The following NOA1 variants were observed in gnomAD, a reference collection of about 807,000 sequenced individuals.
The protein encoded by NOA1 is nitric oxide-associated protein 1.
In NOA1, 35 loss-of-function variants were observed where a neutral mutation model predicts 58.4. The observed-to-expected ratio is 0.60, with a 90% CI of 0.46 to 0.79. NOA1 has a LOEUF of 0.79. NOA1 is among the 30% of genes least tolerant of loss of function. NOA1 has a pLI of 0.00. For synonymous variants in NOA1, 397 were observed against 373.4 expected (o/e 1.06, Z -0.73); for missense variants, 895 against 894.6 (o/e 1.00, Z -0.01).
At position 56,977,017 on chromosome 4, in the gene NOA1, C is replaced by G. The variant is rs1298640279; in HGVS notation, c.569G>C (p.Arg190Pro). Reference sequence around the variant, plus strand: ...GCGGCTCACCTGCAGGCGTAGAGCGCGCCGGTGGTGCGACAGCAGCCAGCA... The same window carrying G: ...GCGGCTCACCTGCAGGCGTAGAGCGGGCCGGTGGTGCGACAGCAGCCAGCA... The part of the protein sequence containing the change: ...QRCWLLSHHR[R>P]ALRLQVSREQ... Residue 190 changes from arginine to proline, a missense_variant, in exon 1 of 7, where the codon CGC (arginine) becomes CCC (proline). By Grantham distance (103) the Arg-to-Pro change is moderately radical. Around this residue, in one of 3 missense-constraint regions of NOA1, gnomAD observed 680 missense variants for 656.5 expected, o/e 1.04. Coordinates refer to ENST00000264230, the MANE Select transcript of NOA1 (RefSeq NM_032313.4). The G allele has an allele frequency of 1.9e-6, 3 of 1,590,816 alleles. No individual in the cohort carries two copies. The South Asian group carries it at 3.3e-5, about 18-fold the overall frequency.
Position 56,977,392 on chromosome 4 carries a change from CCTT to C in NOA1, c.191_193del (p.Glu64del). The C allele has an allele frequency of 6.2e-7, 1 of 1,614,118 alleles. No individual in the cohort carries two copies. Among genetic ancestry groups the C allele is most frequent in the Non-Finnish European group, 8.5e-7 (1 of 1,180,046 alleles). On this transcript the variant is annotated inframe_deletion, in exon 1 of 7. Coordinates refer to ENST00000264230, the MANE Select transcript of NOA1 (RefSeq NM_032313.4). ...CAGAAAACGCTCCTGCATGTCACCA[CCTT>C]CTCCAAAGCCCTCCGTGTCCACGGG...
rs558122185 is a variant in NOA1 at position 56,964,758 on chromosome 4, G to A, written c.1765-232C>T. On this transcript the variant is annotated intron_variant, in intron 5 of 6. Transcript: ENST00000264230. The stretch of plus-strand genomic sequence containing the variant: ...GGGCTCTGGGCCACACATTGGGCAA[G>A]CACCTGGCAGAAGCCTCTGGACAGG... Among the ~76,000 whole-genome samples, 22 of 152,298 alleles carry A rather than the reference G, an allele frequency of 1.4e-4. 2 individuals carry two copies. Among genetic ancestry groups the A allele is most frequent in the Middle Eastern group, 6.8e-3 (2 of 294 alleles).
At chr4:56,967,882 T>G (rs1003528168) in intron 4 of NOA1, among the ~76,000 whole-genome samples, 1 of 151,600 alleles carries the variant, frequency 6.6e-6, no homozygotes, top group Non-Finnish European at 1.5e-5. Context: ...AGCACTTTTT[T>G]GGGGGGATGA....
chr4:56,964,392 T>A lies in NOA1; in HGVS notation c.1885+14A>T, dbSNP rs2109611555. The stretch of plus-strand genomic sequence containing the variant: ...TTTTATTCACTTTTTAAAAAGTGCT[T>A]GGCATAAAATTACCTGCAGAGGAAA... On this transcript the variant is annotated intron_variant, in intron 6 of 6. Transcript: ENST00000264230. 6.2e-7 allele frequency: 1 copy of A among 1,613,934 alleles called. No homozygotes were observed. The highest frequency in any genetic ancestry group is 2.2e-5 in the East Asian group (1 of 44,868).
chr4:56,964,422 G>A lies in NOA1; in HGVS notation c.1869C>T (p.Ile623=), dbSNP rs772683447. 3.1e-6 allele frequency: 5 copies of A among 1,613,930 alleles called. No homozygotes were observed. The African/African-American group carries it at 4.0e-5, about 13-fold the overall frequency. ...TAAAATTACCTGCAGAGGAAAACTT[G>A]ATGTCGGCCACTGCTTCAGATGCCC... ...GLGASEAVAD[I]KFSSAGWVSV... is the part of the protein sequence containing the mutation. The change falls in exon 6 of 7, where the codon ATC becomes ATT. Residue 623 remains isoleucine, a synonymous_variant. Transcript: ENST00000264230.
chr4:56,974,988 C>T (rs1257173710), intron 1 of NOA1, among the ~76,000 whole-genome samples: 2 of 151,384 alleles, frequency 1.3e-5, no homozygotes, highest in East Asian at 4.0e-4. Context: ...CAGGTGTGAC[C>T]CACTGCACCT....
At chr4:56,964,255 C>A in intron 6 of NOA1, 151 bp downstream of exon 6, 1 of 752,150 alleles carries the variant, frequency 1.3e-6, no homozygotes, top group East Asian at 2.9e-5. Flanking sequence ...TTAGTAGAGA[C>A]GGGGTTTCTC....
rs1560462567 is a variant in NOA1, at chr4:56,963,442, G to T, written c.*8C>A. On this transcript the variant is annotated 3_prime_UTR_variant, in exon 7 of 7. Coordinates refer to ENST00000264230, the MANE Select transcript of NOA1 (RefSeq NM_032313.4). The stretch of plus-strand genomic sequence containing the variant: ...TACAGTTAATATCTGGAGTGAACAA[G>T]GTCGGTCTCATACATTTATCTTTCC... 1 of 1,606,304 alleles carries T rather than the reference G, an allele frequency of 6.2e-7. No individual in the cohort carries two copies. The highest frequency in any genetic ancestry group is 2.2e-5 in the East Asian group (1 of 44,858).
At position 56,973,249 on chromosome 4, in the gene NOA1, T is replaced by A. The variant is rs761032181; in HGVS notation, c.1414A>T (p.Met472Leu). The change falls in exon 3 of 7, where the codon ATG becomes TTG. Residue 472 changes from methionine (M) to leucine (L), a missense_variant. This residue lies in a region of NOA1 where 680 missense variants were observed against 656.5 expected (regional missense o/e 1.04). Transcript: ENST00000264230. ...LAFDMENDPV[M>L]GTHKSTKQVE... Reference sequence around the variant, plus strand: ...TGTTTGGTGGATTTGTGTGTACCCATAACAGGGTCATTTTCCATGTCAAAG... The same window carrying A: ...TGTTTGGTGGATTTGTGTGTACCCAAAACAGGGTCATTTTCCATGTCAAAG... The A allele has an allele frequency of 6.2e-7, 1 of 1,614,098 alleles. No homozygotes were observed. The highest frequency in any genetic ancestry group is 8.5e-7 in the Non-Finnish European group (1 of 1,179,968).
Position 56,977,211 on chromosome 4 carries a change from C to T in NOA1, c.375G>A (p.Pro125=), listed in dbSNP as rs1217741272. Residue 125 remains proline, a synonymous_variant, in exon 1 of 7, where the codon CCG becomes CCA. Transcript: ENST00000264230. ...ATGCCGGGTCCGGGTGCCCCACGAC[C>T]GGGTGCTCCCGGGACCTGGCCCGTA... is the stretch of plus-strand genomic sequence containing the variant. ...QNLRARSREH[P]VVGHPDPALP... is the part of the protein sequence containing the mutation. 7.0e-6 allele frequency: 11 copies of T among 1,574,420 alleles called. No individual in the cohort carries two copies. In the African/African-American group the frequency reaches 1.4e-4, roughly 19 times the overall value.
chr4:56,974,433 C>T (rs1721861946), intron 1 of NOA1, among the ~76,000 whole-genome samples: 1 of 152,122 alleles, frequency 6.6e-6, no homozygotes, highest in Non-Finnish European at 1.5e-5. Flanking sequence ...GGGTGGATCA[C>T]TTGAGGTCAG....
Position 56,966,692 on chromosome 4 carries a change from G to A in NOA1, c.1692C>T (p.Leu564=), listed in dbSNP as rs142057592. 61 of 1,613,870 alleles carry A rather than the reference G, an allele frequency of 3.8e-5. No homozygotes were observed. The African/African-American group carries it at 5.7e-4, about 15-fold the overall frequency. ...TGTCCAAGGAGGTGATATGCACAGGGAGGATGTTGGAAGCCACGACTGTAA... is the reference window on the plus strand; with the variant it reads ...TGTCCAAGGAGGTGATATGCACAGGAAGGATGTTGGAAGCCACGACTGTAA... ...AWFTVVASNI[L]PVHITSLDRA... is the part of the protein sequence containing the mutation. The change falls in exon 5 of 7, where the codon CTC becomes CTT. Residue 564 remains leucine, a synonymous_variant. Coordinates refer to ENST00000264230, the MANE Select transcript of NOA1 (RefSeq NM_032313.4).
chr4:56,963,588 C>G lies in NOA1; in HGVS notation c.1959G>C (p.Leu653Phe). ...LRGYTPEGTV[L>F]TVRPPLLPYI... ...ATGGCAAGAGAGGGGGCCGGACGGTCAAAACTGTTCCTTCAGGTGTATAGC... is the reference window on the plus strand; with the variant it reads ...ATGGCAAGAGAGGGGGCCGGACGGTGAAAACTGTTCCTTCAGGTGTATAGC... Residue 653 changes from leucine (L) to phenylalanine (F), a missense_variant, in exon 7 of 7, where the codon TTG (leucine) becomes TTC (phenylalanine). By Grantham distance (22) the Leu-to-Phe change is conservative. Coordinates refer to ENST00000264230, the MANE Select transcript of NOA1 (RefSeq NM_032313.4). 6.2e-7 allele frequency: 1 copy of G among 1,614,040 alleles called. No homozygotes were observed. Among genetic ancestry groups the G allele is most frequent in the Non-Finnish European group, 8.5e-7 (1 of 1,179,986 alleles).
intron 6 of NOA1, 152 bp from the exon 7 acceptor site, chr4:56,963,813 A>T: frequency 1.6e-6 from 1 of 627,964 alleles, no homozygotes; most frequent in Non-Finnish European, 2.7e-6. Context: ...GCGTCTTGCT[A>T]TGTTACCCAG....
In NOA1 at chr4:56,964,505, G is replaced by A. The variant is rs1222764036; in HGVS notation, c.1786C>T (p.Arg596Ter). 4 of 1,613,746 alleles carry A rather than the reference G, an allele frequency of 2.5e-6. No individual in the cohort carries two copies. Among genetic ancestry groups the A allele is most frequent in the Non-Finnish European group, 3.4e-6 (4 of 1,179,900 alleles). Reference protein sequence around the residue: ...LLQIPMGGKERMAGFPPLVAE... With the variant: ...LLQIPMGGKE ...ACAAGAGGAGGAAATCCTGCCATTC[G>A]TTCTTTTCCACCCATTGGAATCTTC... Residue 596 changes from arginine to a stop codon, truncating the protein, a stop_gained, in exon 6 of 7, where the codon CGA (arginine) becomes TGA (stop). Coordinates refer to ENST00000264230, the MANE Select transcript of NOA1 (RefSeq NM_032313.4). LOFTEE classifies it high-confidence loss of function.
At chr4:56,970,814 A>G (rs1338795447) in intron 3 of NOA1, among the ~76,000 whole-genome samples, 1 of 151,964 alleles carries the variant, frequency 6.6e-6, no homozygotes, top group African/African-American at 2.4e-5. Flanking sequence ...AGTCTGGGAA[A>G]CCCTGGTTTA....
intron 3 of NOA1, among the ~76,000 whole-genome samples, chr4:56,971,845 A>T (rs377345130): frequency 6.6e-6 from 1 of 152,252 alleles, no homozygotes; most frequent in African/African-American, 2.4e-5. Context: ...GAGCAATTGG[A>T]TAAAAGAGAG....
intron 4 of NOA1, 132 bp downstream of exon 4, chr4:56,968,252 T>TA: frequency 9.9e-7 from 1 of 1,005,660 alleles, no homozygotes; most frequent in South Asian, 1.6e-5. Flanking sequence ...TTTTTAAACA[T>TA]AAAAACAAAT....
Position 56,966,728 on chromosome 4 carries a change from C to G in NOA1, c.1656G>C (p.Gln552His). Residue 552 changes from glutamine (Q) to histidine (H), a missense_variant, in exon 5 of 7, where the codon CAG becomes CAC. By Grantham distance (24) the Gln-to-His change is conservative. Coordinates refer to ENST00000264230, the MANE Select transcript of NOA1 (RefSeq NM_032313.4). ...IGRIDFLQGN[Q>H]SAWFTVVASN... ...AAGCCACGACTGTAAACCAAGCTGA[C>G]TGATTTCCCTTAAGAAAGGAAGAAG... The G allele has an allele frequency of 6.2e-7, 1 of 1,607,890 alleles. No individual in the cohort carries two copies. The highest frequency in any genetic ancestry group is 8.5e-7 in the Non-Finnish European group (1 of 1,174,712).
Sources: gnomAD v4.1 joint callset for allele counts (sites outside exome capture counted in the v4.1 genomes callset) on GRCh38, gnomAD v4.1.1 for gene constraint, gnomAD v4.1.1 regional missense constraint, MANE v1.5 for transcripts, NCBI Gene and HGNC (gene_info 2026-07-23, HGNC 2026-07-21) for gene names.